Variants in ZNF644 observed in about 807,000 individuals in gnomAD.
ZNF644 encodes the protein zinc finger motif enhancer binding protein 2.
Under a neutral mutation model 108.0 loss-of-function variants are expected in ZNF644, and 20 were observed. The ratio of observed to expected loss-of-function variants is 0.19; its 90% confidence interval spans 0.13 to 0.27. ZNF644 has a LOEUF of 0.27. ZNF644 is among the 10% of genes least tolerant of loss of function. The pLI is 1.00. For missense variants in ZNF644, 1,338 were observed against 1,548.9 expected (o/e 0.86, Z 2.29); for synonymous variants, 542 against 539.1 (o/e 1.01, Z -0.08).
intron 4 of ZNF644, among the ~76,000 whole-genome samples, chr1:90,929,351 C>T (rs1650443509): frequency 6.6e-6 from 1 of 152,188 alleles, no homozygotes; most frequent in African/African-American, 2.4e-5. Context: ...TTCCTAATTT[C>T]TCTGACAGCA....
At chr1:90,965,374 T>TGAG (rs565997205) in intron 2 of ZNF644, among the ~76,000 whole-genome samples, 140 of 152,206 alleles carry the variant, frequency 9.2e-4, no homozygotes, top group South Asian at 8.5e-3. Context: ...GGTATCCAAA[T>TGAG]TTCTCCTTTT....
intron 1 of ZNF644, among the ~76,000 whole-genome samples, chr1:91,000,175 G>A (rs1258390594): frequency 6.6e-6 from 1 of 152,158 alleles, no homozygotes; most frequent in Non-Finnish European, 1.5e-5. Flanking sequence ...ACTCAGCTCT[G>A]CATCAAGCGG....
intron 2 of ZNF644, among the ~76,000 whole-genome samples, chr1:90,970,466 C>G (rs1474968620): frequency 1.3e-5 from 2 of 152,144 alleles, no homozygotes; most frequent in Non-Finnish European, 2.9e-5. Context: ...CTTTTTAAAG[C>G]ACCCCATACA....
intron 4 of ZNF644, among the ~76,000 whole-genome samples, chr1:90,928,319 A>ATTTTT (rs58051560): frequency 9.4e-5 from 9 of 95,868 alleles, no homozygotes; most frequent in African/African-American, 3.6e-4. Context: ...CACTGGGCTG[A>ATTTTT]TTTTTTTTTT....
Position 90,915,700 on chromosome 1 carries a change from T to C in ZNF644, c.*1098A>G, listed in dbSNP as rs1407300556. 2.6e-5 allele frequency: 4 copies of C among 152,638 alleles called. No homozygotes were observed. Among genetic ancestry groups the C allele is most frequent in the Admixed American group, 6.5e-5 (1 of 15,280 alleles). 9.5% of individuals were successfully genotyped at this position (152,638 alleles called of 1,614,324 possible). ...GTTATGTCGGTTCTTAGCATGAGCA[T>C]AGTGTTACACGATTTTCGTACATAT... On this transcript the variant is annotated 3_prime_UTR_variant, in exon 6 of 6. Coordinates refer to ENST00000337393, the MANE Select transcript of ZNF644 (RefSeq NM_201269.3).
In ZNF644 at chr1:90,938,837, G is replaced by A. The variant is rs184647018; in HGVS notation, c.2517C>T (p.Val839=). The A allele has an allele frequency of 1.9e-5, 31 of 1,613,732 alleles. No homozygotes were observed. In the South Asian group the frequency reaches 2.3e-4, roughly 12 times the overall value. ...CAGCAGAATTAAGTTTTTGCAAAACGACAACAGTCATTTTATGCAAAAAAT... is the reference window on the plus strand; with the variant it reads ...CAGCAGAATTAAGTTTTTGCAAAACAACAACAGTCATTTTATGCAAAAAAT... ...YPDFLHKMTV[V]VLQKLNSAEK... Residue 839 remains valine (V), a synonymous_variant, in exon 3 of 6, where the codon GTC becomes GTT. Transcript: ENST00000337393. This position sits in a 1 kb window ranked among gnomAD's most constrained non-coding sequence, Gnocchi z 4.2.
At chr1:90,923,337 G>C (rs759889605) in intron 4 of ZNF644, among the ~76,000 whole-genome samples, 1 of 151,220 alleles carries the variant, frequency 6.6e-6, no homozygotes, top group South Asian at 2.1e-4. Context: ...TCAATCTCTC[G>C]GCCCATTCAA....
intron 1 of ZNF644, 29 bp from the exon 2 acceptor site, chr1:90,982,399 T>G (rs1284990349): frequency 1.9e-6 from 3 of 1,570,886 alleles, no homozygotes; most frequent in Non-Finnish European, 2.6e-6. Flanking sequence ...ATGACCAAGG[T>G]TTAATTTTTT....
Position 90,939,033 on chromosome 1 carries a change from A to G in ZNF644, c.2321T>C (p.Leu774Pro). 6.2e-7 allele frequency: 1 copy of G among 1,614,044 alleles called. No individual in the cohort carries two copies. The highest frequency in any genetic ancestry group is 8.5e-7 in the Non-Finnish European group (1 of 1,179,942). Residue 774 changes from leucine to proline, a missense_variant, in exon 3 of 6, where the codon CTG (leucine) becomes CCG (proline). Leu to Pro is a moderately conservative substitution (Grantham distance 98, BLOSUM62 -3). This residue lies in a region of ZNF644 where 462 missense variants were observed against 472.6 expected (regional missense o/e 0.98). Transcript: ENST00000337393. ...GTGAGAATTACTTGATGATGAAAAC[A>G]GGTGTAAAGAATTTAATGAACTAGC... is the stretch of plus-strand genomic sequence containing the variant. The part of the protein sequence containing the change: ...EEASSLNSLH[L>P]FSSSSNSHNN...
chr1:91,020,565 T>A (rs1660814361), intron 1 of ZNF644: 1 of 152,244 alleles, frequency 6.6e-6, no homozygotes, highest in Admixed American at 6.5e-5. Flanking sequence ...AGCCTTATTA[T>A]AAAAACGAGG....
chr1:90,934,936 G>C (rs1325946498), intron 4 of ZNF644, among the ~76,000 whole-genome samples: 1 of 152,036 alleles, frequency 6.6e-6, no homozygotes, highest in Non-Finnish European at 1.5e-5. Context: ...ATGTTGCCCA[G>C]GCTGGAGTGC....
chr1:90,978,601 C>T (rs1656236619), intron 2 of ZNF644, among the ~76,000 whole-genome samples: 1 of 152,092 alleles, frequency 6.6e-6, no homozygotes, highest in Admixed American at 6.6e-5. Context: ...TAAAGAATTT[C>T]AAATCCTTGG....
At chr1:90,948,774 C>G (rs771760183) in intron 2 of ZNF644, among the ~76,000 whole-genome samples, 1 of 152,132 alleles carries the variant, frequency 6.6e-6, no homozygotes, top group Non-Finnish European at 1.5e-5. Flanking sequence ...GAAAAGTTGA[C>G]CAACAGAACC....
intron 2 of ZNF644, among the ~76,000 whole-genome samples, chr1:90,976,928 T>C (rs1188244174): frequency 1.3e-5 from 2 of 152,006 alleles, no homozygotes; most frequent in Non-Finnish European, 2.9e-5. Context: ...TACCAAAATA[T>C]GCCAATTTGT....
intron 2 of ZNF644, among the ~76,000 whole-genome samples, chr1:90,967,317 A>C (rs1655006381): frequency 6.6e-6 from 1 of 152,164 alleles, no homozygotes; most frequent in African/African-American, 2.4e-5. Context: ...TCTTAAAGTC[A>C]CTTACTCTGT....
At chr1:91,021,428 G>A (rs564845770) in intron 1 of ZNF644, 1 of 152,508 alleles carries the variant, frequency 6.6e-6, no homozygotes, top group Non-Finnish European at 1.5e-5. Context: ...CTCAACGAGA[G>A]GGGTTGGTGA....
At chr1:90,973,080 A>T (rs966745555) in intron 2 of ZNF644, 61 of 152,248 alleles carry the variant, frequency 4.0e-4, no homozygotes, top group African/African-American at 1.5e-3. Flanking sequence ...GTACACTTAA[A>T]AATGGTTAAA....
At position 90,940,980 on chromosome 1, in the gene ZNF644, A is replaced by G. The variant is rs201408182; in HGVS notation, c.374T>C (p.Leu125Ser). Residue 125 changes from leucine to serine, a missense_variant, in exon 3 of 6, where the codon TTA (leucine) becomes TCA (serine). Physicochemically the swap from Leu to Ser is moderately radical, Grantham distance 145. Coordinates refer to ENST00000337393, the MANE Select transcript of ZNF644 (RefSeq NM_201269.3). ...TTTATTCATATTGGAAGTCTTAGTT[A>G]AGGAGGAGTGTGAAACTGGTCCATT... is the stretch of plus-strand genomic sequence containing the variant. Reference protein sequence around the residue: ...AVNGPVSHSSLTKTSNMNKGS... With the variant: ...AVNGPVSHSSSTKTSNMNKGS... 1.2e-6 allele frequency: 2 copies of G among 1,614,084 alleles called. No homozygotes were observed. Among genetic ancestry groups the G allele is most frequent in the Non-Finnish European group, 1.7e-6 (2 of 1,179,970 alleles).
chr1:90,940,694 A>T lies in ZNF644; in HGVS notation c.660T>A (p.Asn220Lys), dbSNP rs978405198. The change falls in exon 3 of 6, where the codon AAT (asparagine) becomes AAA (lysine). Residue 220 changes from asparagine to lysine, a missense_variant. Asn to Lys is a moderately conservative substitution (Grantham distance 94). This residue lies in a region of ZNF644 where 464 missense variants were observed against 457.9 expected (regional missense o/e 1.01). Coordinates refer to ENST00000337393, the MANE Select transcript of ZNF644 (RefSeq NM_201269.3). ...CACCATCCTCACCCACCTCTACTTG[A>T]TTTATTAAAGTGCCATCTGACTTTA... is the stretch of plus-strand genomic sequence containing the variant. ...SNIKSDGTLI[N>K]QVEVGEDGED... is the part of the protein sequence containing the mutation. The T allele has an allele frequency of 6.2e-7, 1 of 1,614,054 alleles. No homozygotes were observed. Among genetic ancestry groups the T allele is most frequent in the Non-Finnish European group, 8.5e-7 (1 of 1,179,988 alleles).
Sources: gnomAD v4.1 joint callset for allele counts (sites outside exome capture counted in the v4.1 genomes callset) on GRCh38, gnomAD v4.1.1 for gene constraint, gnomAD v4.1.1 regional missense constraint, Gnocchi (gnomAD v3.1) non-coding constraint, MANE v1.5 for transcripts, NCBI Gene and HGNC (gene_info 2026-07-23, HGNC 2026-07-21) for gene names.